Variants in CFAP251 observed in about 807,000 individuals in gnomAD.
CFAP251 encodes cilia- and flagella-associated protein 251.
A neutral mutation model predicts 126.7 loss-of-function variants in CFAP251; 93 were observed. The ratio of observed to expected loss-of-function variants is 0.73; its 90% CI spans 0.62 to 0.87. CFAP251 has a LOEUF of 0.87. Among genes scored for constraint, CFAP251 ranks in the 40% least tolerant of loss-of-function variants. The pLI, the probability that CFAP251 is intolerant of heterozygous loss-of-function variation, is 0.00. For synonymous variants in CFAP251, 503 were observed against 506.9 expected, an observed-to-expected ratio of 0.99 and a Z score of 0.10; for missense variants, 1,287 against 1,389.2, an observed-to-expected ratio of 0.93 and a Z score of 1.17.
intron 5 of CFAP251, among the ~76,000 whole-genome samples, chr12:121,935,656 C>T (rs1880864471): frequency 6.6e-6 from 1 of 152,222 alleles, no homozygotes; most frequent in Non-Finnish European, 1.5e-5. Flanking sequence ...TTTTGACACA[C>T]TCTGGTGTCT....
At chr12:121,991,011 T>G (rs1446907200) in intron 19 of CFAP251, among the ~76,000 whole-genome samples, 1 of 152,250 alleles carries the variant, frequency 6.6e-6, no homozygotes, top group Admixed American at 6.5e-5. Context: ...GACTTGTATT[T>G]CATTGGCTTT....
intron 3 of CFAP251, among the ~76,000 whole-genome samples, chr12:121,928,688 ACGTATATATATATATATTT>A (rs1880549802): frequency 6.9e-5 from 2 of 29,036 alleles, no homozygotes; most frequent in Non-Finnish European, 2.4e-4. Flanking sequence ...ATATATATAT[ACGTATATATATATATATTT>A]TTTTTTTGAG....
intron 13 of CFAP251, 183 bp downstream of exon 13, chr12:121,959,277 A>C: frequency 1.7e-6 from 1 of 581,494 alleles, no homozygotes; most frequent in Non-Finnish European, 2.8e-6. Flanking sequence ...CTGCTACAAA[A>C]ACACTTTTTA....
chr12:121,931,613 G>A (rs928906033), intron 3 of CFAP251, 133 bp from the exon 4 acceptor site: 6 of 877,038 alleles, frequency 6.8e-6, no homozygotes, highest in Non-Finnish European at 7.7e-6. Flanking sequence ...ACGCCTGGCT[G>A]AGGACTTTCT....
intron 19 of CFAP251, among the ~76,000 whole-genome samples, chr12:121,980,409 T>C (rs909452107): frequency 1.8e-5 from 2 of 108,540 alleles, no homozygotes; most frequent in Admixed American, 9.0e-5. Flanking sequence ...CACTTCCTTC[T>C]TTTTTTTTTT....
At chr12:121,943,063 C>G in intron 7 of CFAP251, 88 bp downstream of exon 7, 1 of 1,427,920 alleles carries the variant, frequency 7.0e-7, no homozygotes, top group Admixed American at 1.8e-5. Flanking sequence ...CCTGTAATCC[C>G]AGAACTTTGG....
intron 11 of CFAP251, 100 bp from the exon 12 acceptor site, chr12:121,958,172 C>T: frequency 6.7e-7 from 1 of 1,498,484 alleles, no homozygotes; most frequent in African/African-American, 1.4e-5. Flanking sequence ...CACTAAATTA[C>T]AGACGACAGA....
At chr12:122,002,121 G>A (rs58158474) in intron 21 of CFAP251, among the ~76,000 whole-genome samples, 8,839 of 152,094 alleles carry the variant, frequency 0.058, 298 homozygotes, top group African/African-American at 0.079. Context: ...TTGGGAGGCC[G>A]AGGAGGGTGG....
chr12:121,920,398 ATT>A (rs35621554), intron 1 of CFAP251, among the ~76,000 whole-genome samples: 27 of 96,314 alleles, frequency 2.8e-4, no homozygotes, highest in East Asian at 5.5e-4. Flanking sequence ...GGCTTTTTGT[ATT>A]TTTTTTTTTT....
chr12:121,966,427 ATTTTTTTTTTT>A (rs1159106051), intron 15 of CFAP251, among the ~76,000 whole-genome samples: 1 of 54,704 alleles, frequency 1.8e-5, no homozygotes, highest in Non-Finnish European at 3.6e-5. Flanking sequence ...TGCCTGGCTA[ATTTTTTTTTTT>A]TTTTTTTTTT....
At chr12:121,944,656 GT>G (rs1881247757) in intron 7 of CFAP251, among the ~76,000 whole-genome samples, 1 of 152,070 alleles carries the variant, frequency 6.6e-6, no homozygotes, top group South Asian at 2.1e-4. Flanking sequence ...AAATGGATTT[GT>G]TTTCTTAATT....
chr12:121,964,756 C>T (rs866607528), intron 15 of CFAP251, among the ~76,000 whole-genome samples: 5 of 151,982 alleles, frequency 3.3e-5, no homozygotes, highest in African/African-American at 4.8e-5. Flanking sequence ...AAAAATTAGC[C>T]GGGCGTGGTG....
chr12:121,993,042 G>A (rs1410040500), intron 19 of CFAP251, among the ~76,000 whole-genome samples: 2 of 138,756 alleles, frequency 1.4e-5, no homozygotes, highest in African/African-American at 5.5e-5. Flanking sequence ...AAGCTGGACT[G>A]TACTGCTGCC....
In CFAP251 at chr12:121,946,282, T is replaced by C. The variant is rs544875206; in HGVS notation, c.1192-2702T>C. ...AGTGCATTGAATAGGTGTGTAACTG[T>C]TTATTAATTCACTGTTAATGGACAT... On this transcript the variant is annotated intron_variant, in intron 7 of 21. Coordinates refer to ENST00000288912, the MANE Select transcript of CFAP251 (RefSeq NM_144668.6). Among the ~76,000 whole-genome samples, 3 of 152,358 alleles carry C rather than the reference T, an allele frequency of 2.0e-5. No homozygotes were observed. The East Asian group carries it at 5.8e-4, about 29-fold the overall frequency.
intron 5 of CFAP251, among the ~76,000 whole-genome samples, chr12:121,939,470 C>G (rs1881021081): frequency 6.6e-6 from 1 of 152,172 alleles, no homozygotes; most frequent in African/African-American, 2.4e-5. Flanking sequence ...TGTGTCTCAT[C>G]TCTGAAGCCT....
In CFAP251 at chr12:121,921,537, G is replaced by A; in HGVS notation, c.232G>A (p.Glu78Lys). 2 of 1,613,974 alleles carry A rather than the reference G, an allele frequency of 1.2e-6. No homozygotes were observed. Among genetic ancestry groups the A allele is most frequent in the Non-Finnish European group, 1.7e-6 (2 of 1,179,960 alleles). The change falls in exon 2 of 22, where the codon GAG becomes AAG. Residue 78 changes from glutamate (E) to lysine (K), a missense_variant. Transcript: ENST00000288912. ...EDKKIVMEET[E>K]EKAGEVQEKE... ...CAAAAAGATTGTCATGGAAGAAACT[G>A]AGGAAAAGGCTGGAGAAGTCCAAGA...
chr12:122,002,524 AGT>A (rs1883172076), intron 21 of CFAP251, among the ~76,000 whole-genome samples: 1 of 152,048 alleles, frequency 6.6e-6, no homozygotes, highest in South Asian at 2.1e-4. Flanking sequence ...TGGGCAACAG[AGT>A]GAGAGCCTGT....
chr12:121,937,439 G>A (rs1341224886), intron 5 of CFAP251, among the ~76,000 whole-genome samples: 1 of 152,190 alleles, frequency 6.6e-6, no homozygotes, highest in African/African-American at 2.4e-5. Context: ...CATATTCTGA[G>A]GTTCTGGGTG....
In CFAP251 at chr12:121,960,673, G is replaced by T; in HGVS notation, c.2222G>T (p.Arg741Leu). ...WEYLARLRSH[R>L]KSIRSLLFGV... ...TACTTAGCAAGACTTCGCTCTCATC[G>T]CAAAAGCATTCGAAGTCTCCTGTTT... Residue 741 changes from arginine (R) to leucine (L), a missense_variant, in exon 14 of 22, where the codon CGC becomes CTC. Transcript: ENST00000288912. 1.2e-6 allele frequency: 2 copies of T among 1,614,096 alleles called. No homozygotes were observed. Among genetic ancestry groups the T allele is most frequent in the African/African-American group, 1.3e-5 (1 of 75,042 alleles).
Sources: gnomAD v4.1 joint callset for allele counts (sites outside exome capture counted in the v4.1 genomes callset) on GRCh38, gnomAD v4.1.1 for gene constraint, MANE v1.5 for transcripts, NCBI Gene and HGNC (gene_info 2026-07-23, HGNC 2026-07-21) for gene names.